The following CERT1 variants were observed in gnomAD, a reference collection of about 807,000 sequenced individuals.
CERT1 encodes ceramide transfer protein.
CERT1 carries 31 observed loss-of-function variants against 87.9 expected under a neutral mutation model. That is an observed-to-expected ratio of 0.35 (90% CI 0.27 to 0.48). CERT1 has a LOEUF of 0.48. CERT1 is among the 20% of genes least tolerant of loss of function. The pLI is 0.99. For synonymous variants in CERT1, 289 were observed against 250.9 expected (o/e 1.15, Z -1.44); for missense variants, 487 against 758.0 (o/e 0.64, Z 4.20).
intron 2 of CERT1, among the ~76,000 whole-genome samples, chr5:75,504,410 G>A (rs893957971): frequency 4.6e-5 from 7 of 151,916 alleles, no homozygotes; most frequent in African/African-American, 1.7e-4. Context: ...TATTTCTTCT[G>A]TGTTTCTCTA....
chr5:75,500,541 A>G (rs1350803610), intron 2 of CERT1, among the ~76,000 whole-genome samples: 1 of 152,190 alleles, frequency 6.6e-6, no homozygotes, highest in Non-Finnish European at 1.5e-5. Context: ...TAAACAGATA[A>G]ATTATGAGTT....
At chr5:75,470,337 A>G (rs1384384319) in intron 2 of CERT1, among the ~76,000 whole-genome samples, 2 of 152,202 alleles carry the variant, frequency 1.3e-5, no homozygotes, top group East Asian at 3.8e-4. Flanking sequence ...CTGAAATCAT[A>G]TAGAGTATCT....
In CERT1 at chr5:75,385,926, C is replaced by T. The variant is rs770590298; in HGVS notation, c.1393G>A (p.Val465Ile). 14 of 1,560,148 alleles carry T rather than the reference C, an allele frequency of 9.0e-6. No homozygotes were observed. The highest frequency in any genetic ancestry group is 1.2e-5 in the Non-Finnish European group (14 of 1,154,972). The change falls in exon 13 of 17, where the codon GTT becomes ATT. Residue 465 changes from valine to isoleucine, a missense_variant. By Grantham distance (29) the Val-to-Ile change is conservative (BLOSUM62 3). Transcript: ENST00000643780. Reference protein sequence around the residue: ...GHEVCNYFWNVDVRNDWETTI... With the variant: ...GHEVCNYFWNIDVRNDWETTI... ...CTTTCCCAGTCATTGCGAACGTCAACATTCCAGAAATAATTGCAGACTTCA... is the reference window on the plus strand; with the variant it reads ...CTTTCCCAGTCATTGCGAACGTCAATATTCCAGAAATAATTGCAGACTTCA...
intron 2 of CERT1, among the ~76,000 whole-genome samples, chr5:75,463,511 C>T (rs541188733): frequency 6.6e-6 from 1 of 152,168 alleles, no homozygotes; most frequent in South Asian, 2.1e-4. Flanking sequence ...AAATCCATGG[C>T]ACTTATACCT....
downstream of CERT1, chr5:75,374,999 CTTAA>C (rs759218123): frequency 1.7e-5 from 4 of 231,682 alleles, no homozygotes; most frequent in Non-Finnish European, 3.4e-5. Context: ...TAAATCAAAT[CTTAA>C]TTGTTTGCAG....
chr5:75,511,068 A>C (rs1767955147), intron 1 of CERT1, 44 bp downstream of exon 1: 1 of 1,493,754 alleles, frequency 6.7e-7, no homozygotes, highest in Admixed American at 2.4e-5. Flanking sequence ...GCCTCGCTGC[A>C]GGTGAGTCTG....
chr5:75,389,712 G>A (rs889580910), intron 11 of CERT1, 25 bp from the exon 12 acceptor site: 29 of 1,550,886 alleles, frequency 1.9e-5, no homozygotes, highest in African/African-American at 4.1e-5. Flanking sequence ...AAAAAGGCAT[G>A]AGAATCCAAA....
At chr5:75,400,400 G>C in intron 9 of CERT1, 103 bp from the exon 10 acceptor site, 1 of 737,116 alleles carries the variant, frequency 1.4e-6, no homozygotes, top group Non-Finnish European at 2.3e-6. Flanking sequence ...CTTAGTGAAC[G>C]CCTTAGTGCT....
At chr5:75,382,448 T>C (rs903790198) in intron 14 of CERT1, among the ~76,000 whole-genome samples, 2 of 152,096 alleles carry the variant, frequency 1.3e-5, no homozygotes, top group East Asian at 3.9e-4. Flanking sequence ...GCAACAACTT[T>C]CCATTCCTCT....
At chr5:75,425,590 G>A in intron 4 of CERT1, 91 bp from the exon 5 acceptor site, 1 of 1,270,890 alleles carries the variant, frequency 7.9e-7, no homozygotes, top group Non-Finnish European at 1.1e-6. Context: ...TTTAAGGTCT[G>A]CACCTTATAA....
intron 3 of CERT1, among the ~76,000 whole-genome samples, chr5:75,435,552 G>C (rs1041740339): frequency 1.3e-5 from 2 of 152,144 alleles, no homozygotes; most frequent in Non-Finnish European, 2.9e-5. Flanking sequence ...TCTGTGGGCT[G>C]GTGTTCCTTT....
upstream of CERT1, chr5:75,511,798 G>A (rs1459099725): frequency 1.5e-5 from 24 of 1,551,436 alleles, no homozygotes; most frequent in Non-Finnish European, 1.7e-5. Context: ...AAAAGCAGGA[G>A]GAGCGGAGAA....
At chr5:75,496,370 G>A (rs1297958068) in intron 2 of CERT1, among the ~76,000 whole-genome samples, 1 of 151,590 alleles carries the variant, frequency 6.6e-6, no homozygotes, top group African/African-American at 2.4e-5. Flanking sequence ...CATAATGCTG[G>A]TGAGATGGTA....
chr5:75,425,901 C>T (rs1286504276), intron 4 of CERT1, among the ~76,000 whole-genome samples: 2 of 152,182 alleles, frequency 1.3e-5, no homozygotes, highest in Non-Finnish European at 2.9e-5. Flanking sequence ...GGTGAGCTGT[C>T]ATTTATGGTA....
At chr5:75,497,582 T>G (rs1046794637) in intron 2 of CERT1, among the ~76,000 whole-genome samples, 1 of 152,060 alleles carries the variant, frequency 6.6e-6, no homozygotes, top group Non-Finnish European at 1.5e-5. Context: ...AATTGAATCA[T>G]GGGGGCGATG....
intron 2 of CERT1, among the ~76,000 whole-genome samples, chr5:75,474,674 G>T (rs1051773544): frequency 6.6e-6 from 1 of 151,906 alleles, no homozygotes; most frequent in Non-Finnish European, 1.5e-5. Context: ...AGGAAAACTG[G>T]ATATCCACAT....
chr5:75,442,943 T>C (rs1764385864), intron 3 of CERT1, among the ~76,000 whole-genome samples: 1 of 152,184 alleles, frequency 6.6e-6, no homozygotes, highest in Admixed American at 6.5e-5. Flanking sequence ...CGTAAGTATG[T>C]ATGCATAGGA....
chr5:75,452,400 G>A (rs1764802313), intron 3 of CERT1, among the ~76,000 whole-genome samples: 1 of 152,122 alleles, frequency 6.6e-6, no homozygotes, highest in Non-Finnish European at 1.5e-5. Context: ...CATAAACTCT[G>A]TCAGAGGCTT....
chr5:75,446,404 T>C (rs1299656147), intron 3 of CERT1, among the ~76,000 whole-genome samples: 1 of 152,194 alleles, frequency 6.6e-6, no homozygotes, highest in Non-Finnish European at 1.5e-5. Flanking sequence ...TATCTTTTTC[T>C]TAACTTTCCC....
Sources: gnomAD v4.1 joint callset for allele counts (sites outside exome capture counted in the v4.1 genomes callset) on GRCh38, gnomAD v4.1.1 for gene constraint, MANE v1.5 for transcripts, NCBI Gene and HGNC (gene_info 2026-07-23, HGNC 2026-07-21) for gene names.